UNC5C: variants seen among roughly 807,000 people sequenced by gnomAD.
UNC5C encodes unc-5 netrin receptor C.
In UNC5C, 47 loss-of-function variants were observed where a neutral mutation model predicts 99.8. That is an observed-to-expected ratio of 0.47 (90% CI 0.37 to 0.60). The LOEUF is 0.60. Ranked by LOEUF, UNC5C falls within the 20% of genes least tolerant of loss-of-function variation. The pLI, the probability that UNC5C is intolerant of heterozygous loss-of-function variation, is 0.00. For synonymous variants in UNC5C, 487 were observed against 452.2 expected, an observed-to-expected ratio of 1.08 and a Z score of -0.98; for missense variants, 1,062 against 1,165.9, an observed-to-expected ratio of 0.91 and a Z score of 1.30.
At chr4:95,445,380 G>A (rs762548723) in intron 1 of UNC5C, among the ~76,000 whole-genome samples, 7 of 151,480 alleles carry the variant, frequency 4.6e-5, no homozygotes, top group Non-Finnish European at 7.4e-5. Context: ...GGGAGGGAAT[G>A]CAGCTGAATG....
chr4:95,321,835 A>T, intron 2 of UNC5C, among the ~76,000 whole-genome samples: 1 of 152,208 alleles, frequency 6.6e-6, no homozygotes, highest in East Asian at 1.9e-4. Flanking sequence ...ACATTATCAG[A>T]TTAACTCAGT....
At chr4:95,197,319 C>G (rs1228356012) in intron 12 of UNC5C, among the ~76,000 whole-genome samples, 1 of 151,764 alleles carries the variant, frequency 6.6e-6, no homozygotes, top group Non-Finnish European at 1.5e-5. Flanking sequence ...TATCTCTGCC[C>G]TAGTCCAGCA....
At chr4:95,244,708 C>T (rs1203079375) in intron 6 of UNC5C, among the ~76,000 whole-genome samples, 2 of 152,114 alleles carry the variant, frequency 1.3e-5, no homozygotes, top group Non-Finnish European at 2.9e-5. Context: ...AATCTTGGCC[C>T]CAGCAGTTTT....
chr4:95,250,166 A>T (rs1739642754), intron 5 of UNC5C, among the ~76,000 whole-genome samples: 1 of 152,154 alleles, frequency 6.6e-6, no homozygotes, highest in Admixed American at 6.5e-5. Context: ...CGAGGAAAGC[A>T]ATTAAACCTC....
In UNC5C at chr4:95,539,136, C is replaced by T. The variant is rs537772063; in HGVS notation, c.124+9598G>A. On this transcript the variant is annotated intron_variant, in intron 1 of 15. Coordinates refer to ENST00000453304, the MANE Select transcript of UNC5C (RefSeq NM_003728.4). ...GGTGCTTACCAGGGACATGCTGTCT[C>T]TTCCAGAGAGCACCCAGAGAGGGGT... is the stretch of plus-strand genomic sequence containing the variant. Among the ~76,000 whole-genome samples, 9 of 152,342 alleles carry T rather than the reference C, an allele frequency of 5.9e-5. No homozygotes were observed. The South Asian group carries it at 1.4e-3, about 25-fold the overall frequency.
chr4:95,362,220 C>T (rs1309882047), intron 1 of UNC5C, among the ~76,000 whole-genome samples: 1 of 152,114 alleles, frequency 6.6e-6, no homozygotes, highest in South Asian at 2.1e-4. Context: ...TCTTAGGCCA[C>T]GTGGTTCGGT....
At chr4:95,377,290 T>G (rs1744924054) in intron 1 of UNC5C, among the ~76,000 whole-genome samples, 1 of 152,174 alleles carries the variant, frequency 6.6e-6, no homozygotes, top group Non-Finnish European at 1.5e-5. Context: ...TGTTCAACAT[T>G]TGCTTTGCTA....
At chr4:95,395,479 T>G (rs1745484511) in intron 1 of UNC5C, among the ~76,000 whole-genome samples, 1 of 152,146 alleles carries the variant, frequency 6.6e-6, no homozygotes, top group African/African-American at 2.4e-5. Context: ...ATCTATAGAG[T>G]TCTCTTAGTG....
chr4:95,206,351 A>G (rs1221410738), intron 11 of UNC5C, among the ~76,000 whole-genome samples: 1 of 151,902 alleles, frequency 6.6e-6, no homozygotes, highest in Non-Finnish European at 1.5e-5. Flanking sequence ...ATACATAGAC[A>G]TATATATAAT....
At chr4:95,181,482 C>A (rs1182138807) in intron 14 of UNC5C, among the ~76,000 whole-genome samples, 2 of 152,088 alleles carry the variant, frequency 1.3e-5, no homozygotes. Flanking sequence ...CCCCTCACCC[C>A]CCTCCAAAAT....
intron 3 of UNC5C, among the ~76,000 whole-genome samples, chr4:95,281,259 G>A (rs1311653739): frequency 1.3e-5 from 2 of 152,160 alleles, no homozygotes; most frequent in Non-Finnish European, 2.9e-5. Context: ...TATTTAAATA[G>A]AGCAATTTCA....
intron 1 of UNC5C, among the ~76,000 whole-genome samples, chr4:95,351,528 A>G (rs528645338): frequency 3.6e-4 from 55 of 152,108 alleles, no homozygotes; most frequent in Non-Finnish European, 6.9e-4. Flanking sequence ...ACATTTAAAA[A>G]ATTCTATGTG....
intron 10 of UNC5C, 31 bp downstream of exon 10, chr4:95,216,093 A>G (rs1738238390): frequency 6.3e-7 from 1 of 1,576,576 alleles, no homozygotes; most frequent in African/African-American, 1.4e-5. Context: ...AGACATTGGT[A>G]AAGTCAGTGC....
intron 12 of UNC5C, among the ~76,000 whole-genome samples, chr4:95,194,314 T>C (rs1737286516): frequency 6.6e-6 from 1 of 152,228 alleles, no homozygotes; most frequent in African/African-American, 2.4e-5. Flanking sequence ...TTTTCTCCTG[T>C]TAACACATTA....
Position 95,383,262 on chromosome 4 carries a change from T to TACACAC in UNC5C, c.125-47637_125-47632dup, listed in dbSNP as rs35068196. Among the ~76,000 whole-genome samples, 961 of 150,934 alleles carry TACACAC rather than the reference T, an allele frequency of 6.4e-3. 10 individuals are homozygous for TACACAC. Among genetic ancestry groups the TACACAC allele is most frequent in the African/African-American group, 0.021 (883 of 41,242 alleles). ...TGAGAAATATAAATATGTGTGTGTT[T>TACACAC]ACACACACACACACACACACACACA... On this transcript the variant is annotated intron_variant, in intron 1 of 15. Coordinates refer to ENST00000453304, the MANE Select transcript of UNC5C (RefSeq NM_003728.4).
At chr4:95,354,590 C>T (rs1579352110) in intron 1 of UNC5C, among the ~76,000 whole-genome samples, 1 of 151,398 alleles carries the variant, frequency 6.6e-6, no homozygotes, top group Admixed American at 6.6e-5. Flanking sequence ...AGCCATCCTC[C>T]CACCTCAGCC....
chr4:95,457,887 C>G (rs536292983), intron 1 of UNC5C, among the ~76,000 whole-genome samples: 1 of 151,836 alleles, frequency 6.6e-6, no homozygotes, highest in Non-Finnish European at 1.5e-5. Flanking sequence ...GAGATGGCAG[C>G]CCCAGCTAAC....
intron 1 of UNC5C, among the ~76,000 whole-genome samples, chr4:95,480,872 G>C (rs1299997752): frequency 6.6e-6 from 1 of 151,634 alleles, no homozygotes; most frequent in Non-Finnish European, 1.5e-5. Flanking sequence ...AATAATAAGA[G>C]CTATCTATGA....
intron 10 of UNC5C, among the ~76,000 whole-genome samples, chr4:95,213,223 C>T (rs145716876): frequency 5.3e-5 from 8 of 152,338 alleles, no homozygotes; most frequent in Non-Finnish European, 1.2e-4. Flanking sequence ...GGAAAATCAA[C>T]TTTCATATCT....
Sources: gnomAD v4.1 joint callset for allele counts (sites outside exome capture counted in the v4.1 genomes callset) on GRCh38, gnomAD v4.1.1 for gene constraint, MANE v1.5 for transcripts, NCBI Gene and HGNC (gene_info 2026-07-23, HGNC 2026-07-21) for gene names.